ERCC8: variants seen among roughly 807,000 people sequenced by gnomAD.
The protein encoded by ERCC8 is ERCC excision repair 8, CSA ubiquitin ligase complex subunit.
Under a neutral mutation model 54.9 loss-of-function variants are expected in ERCC8, and 52 were observed. The ratio of observed to expected loss-of-function variants is 0.95; its 90% confidence interval spans 0.76 to 1.19. ERCC8 has a LOEUF of 1.19. Ranked by LOEUF, ERCC8 falls within the 50% of genes most tolerant of loss-of-function variation. The pLI is 0.00. For synonymous variants in ERCC8, 146 were observed against 157.2 expected, an observed-to-expected ratio of 0.93 and a Z score of 0.53; for missense variants, 514 against 466.1, an observed-to-expected ratio of 1.10 and a Z score of -0.95.
At chr5:60,936,759 T>A (rs936613544) in intron 1 of ERCC8, among the ~76,000 whole-genome samples, 4 of 152,254 alleles carry the variant, frequency 2.6e-5, no homozygotes, top group Admixed American at 2.6e-4. Flanking sequence ...TTAATTTCCA[T>A]CTTGATGTCA....
At chr5:60,909,562 T>C (rs1749193098) in intron 4 of ERCC8, 1 of 159,668 alleles carries the variant, frequency 6.3e-6, no homozygotes, top group South Asian at 1.9e-4. Flanking sequence ...AAGACCTTTA[T>C]GATGATCCAC....
At chr5:60,921,085 A>G (rs76090939) in intron 3 of ERCC8, among the ~76,000 whole-genome samples, 45 of 152,012 alleles carry the variant, frequency 3.0e-4, no homozygotes, top group African/African-American at 1.1e-3. Context: ...ACGCTTTTAA[A>G]AAGATAGTAT....
chr5:60,912,974 T>G (rs1340745499), intron 4 of ERCC8, among the ~76,000 whole-genome samples: 4 of 152,122 alleles, frequency 2.6e-5, no homozygotes, highest in African/African-American at 7.3e-5. Flanking sequence ...CTTTTTGATG[T>G]GCTGTTGGAT....
intron 1 of ERCC8, among the ~76,000 whole-genome samples, chr5:60,941,463 T>C (rs911587279): frequency 3.3e-5 from 5 of 152,114 alleles, no homozygotes; most frequent in East Asian, 1.9e-4. Flanking sequence ...ATTTTTGTCA[T>C]TGGAGGTCTA....
intron 10 of ERCC8, among the ~76,000 whole-genome samples, chr5:60,890,602 G>T (rs899547387): frequency 6.6e-6 from 1 of 152,178 alleles, no homozygotes; most frequent in East Asian, 1.9e-4. Flanking sequence ...ATTGTTTCAA[G>T]AAATTATTTT....
chr5:60,938,350 ATTTTTT>A (rs1231887020), intron 1 of ERCC8, among the ~76,000 whole-genome samples: 1 of 41,042 alleles, frequency 2.4e-5, no homozygotes, highest in Non-Finnish European at 4.2e-5. Flanking sequence ...ACCTTTTTGA[ATTTTTT>A]TTTTTTTTTT....
chr5:60,938,231 T>C (rs1327843792), intron 1 of ERCC8, among the ~76,000 whole-genome samples: 2 of 151,228 alleles, frequency 1.3e-5, no homozygotes, highest in Non-Finnish European at 2.9e-5. Flanking sequence ...TCTGGAGTTT[T>C]CTGAAATGTA....
At chr5:60,937,163 G>A (rs188614233) in intron 1 of ERCC8, among the ~76,000 whole-genome samples, 12 of 152,324 alleles carry the variant, frequency 7.9e-5, no homozygotes, top group African/African-American at 2.6e-4. Context: ...TACCAGCACC[G>A]GCAACCGTAG....
At chr5:60,904,059 C>G (rs1350414851) in intron 5 of ERCC8, among the ~76,000 whole-genome samples, 1 of 151,982 alleles carries the variant, frequency 6.6e-6, no homozygotes, top group Non-Finnish European at 1.5e-5. Context: ...AGTATCAAAC[C>G]CAGGAAATTT....
intron 11 of ERCC8, among the ~76,000 whole-genome samples, chr5:60,875,579 C>T (rs1747973409): frequency 6.6e-6 from 1 of 152,186 alleles, no homozygotes; most frequent in South Asian, 2.1e-4. Flanking sequence ...AGGTTTGCTT[C>T]TTTTTGTGCA....
intron 3 of ERCC8, among the ~76,000 whole-genome samples, chr5:60,920,518 A>G (rs1749571480): frequency 6.6e-6 from 1 of 151,980 alleles, no homozygotes; most frequent in African/African-American, 2.4e-5. Context: ...AAGGACAAAC[A>G]CATTAAGTAT....
chr5:60,927,946 A>G (rs1343920333), intron 2 of ERCC8, among the ~76,000 whole-genome samples: 1 of 152,254 alleles, frequency 6.6e-6, no homozygotes, highest in African/African-American at 2.4e-5. Flanking sequence ...ATGTATTAAT[A>G]ATAATATTTC....
chr5:60,912,142 G>C (rs1749286119), intron 4 of ERCC8, among the ~76,000 whole-genome samples: 1 of 152,100 alleles, frequency 6.6e-6, no homozygotes, highest in East Asian at 1.9e-4. Flanking sequence ...GTCATTGGTA[G>C]CTTAATGGGG....
chr5:60,939,954 A>T (rs1045239850), intron 1 of ERCC8, among the ~76,000 whole-genome samples: 36 of 152,008 alleles, frequency 2.4e-4, no homozygotes, highest in African/African-American at 8.7e-4. Flanking sequence ...CTTTTTTATC[A>T]ATCTTGTCTG....
intron 3 of ERCC8, 45 bp downstream of exon 3, chr5:60,922,009 T>C (rs376383083): frequency 7.3e-7 from 1 of 1,360,872 alleles, no homozygotes; most frequent in Non-Finnish European, 1.0e-6. Flanking sequence ...CAAAAAATAC[T>C]CAACTATTTA....
chr5:60,891,115 A>G (rs760239968), intron 9 of ERCC8, 29 bp from the exon 10 acceptor site: 22 of 1,407,074 alleles, frequency 1.6e-5, no homozygotes, highest in South Asian at 3.5e-5. Context: ...AAGGTTACTC[A>G]TCTCTGAAAT....
intron 9 of ERCC8, among the ~76,000 whole-genome samples, chr5:60,894,660 G>A (rs984474381): frequency 1.3e-5 from 2 of 152,060 alleles, no homozygotes; most frequent in South Asian, 2.1e-4. Flanking sequence ...CAATCCTACC[G>A]AAAATAATCT....
chr5:60,938,740 AG>A (rs1339851979), intron 1 of ERCC8, among the ~76,000 whole-genome samples: 4 of 152,224 alleles, frequency 2.6e-5, no homozygotes, highest in Non-Finnish European at 5.9e-5. Context: ...TCTCCACTTA[AG>A]GGATGTAAAG....
intron 4 of ERCC8, among the ~76,000 whole-genome samples, chr5:60,914,157 A>C (rs1343703002): frequency 6.6e-6 from 1 of 151,980 alleles, no homozygotes; most frequent in Non-Finnish European, 1.5e-5. Context: ...GTTAACCTTC[A>C]GTCTCATTGA....
Sources: allele counts gnomAD v4.1 joint callset (sites outside exome capture counted in the v4.1 genomes callset), GRCh38; gene constraint gnomAD v4.1.1; transcripts MANE v1.5; gene names NCBI Gene and HGNC (gene_info 2026-07-23, HGNC 2026-07-21).